The following STIM2 variants were observed in gnomAD, a reference collection of about 807,000 sequenced individuals.
STIM2 encodes the protein stromal interaction molecule 2.
In STIM2, 31 loss-of-function variants were observed where a neutral mutation model predicts 85.8. That is an observed-to-expected ratio of 0.36 (90% CI 0.27 to 0.49). STIM2 has a LOEUF of 0.49. Among genes scored for constraint, STIM2 ranks in the 20% least tolerant of loss-of-function variants. The probability of loss-of-function intolerance (pLI) is 0.98; values close to 1 mark genes in which losing one functional copy is unlikely to be tolerated. For synonymous variants in STIM2, 356 were observed against 331.1 expected (o/e 1.08, Z -0.82); for missense variants, 841 against 927.6 (o/e 0.91, Z 1.21).
At chr4:26,861,751 G>A (rs1424619226) in intron 1 of STIM2, 1 of 156,236 alleles carries the variant, frequency 6.4e-6, no homozygotes, top group African/African-American at 2.5e-5. Flanking sequence ...GCAGCATTGC[G>A]GTATTGAGTC....
Position 26,861,117 on chromosome 4 carries a change from G to T in STIM2, c.-102G>T. 8.3e-7 allele frequency: 1 copy of T among 1,210,178 alleles called. No homozygotes were observed. The highest frequency in any genetic ancestry group is 1.0e-6 in the Non-Finnish European group (1 of 974,832). The allele number at this position is 1,210,178 out of a possible 1,614,324, so 75.0% of individuals were successfully genotyped here. A position where few individuals can be genotyped will look rare whatever the true frequency, so the allele number is the denominator to read the frequency against. ...AGCCGGCGAGCTGCAGGCGGCCGGG[G>T]CGCCGCTGCGCTTTCACCCGGCTTC... On this transcript the variant is annotated 5_prime_UTR_variant, in exon 1 of 12. Transcript: ENST00000467087.
chr4:26,927,714 TA>T (rs1179685123), intron 2 of STIM2, among the ~76,000 whole-genome samples: 723 of 35,650 alleles, frequency 0.02, 7 homozygotes, highest in African/African-American at 0.057. Context: ...AAAACTTGAA[TA>T]AAAAAAAAAA....
chr4:26,872,052 A>G (rs1722638443), intron 1 of STIM2, among the ~76,000 whole-genome samples: 1 of 152,232 alleles, frequency 6.6e-6, no homozygotes, highest in Admixed American at 6.5e-5. Flanking sequence ...GGCAAGGGTA[A>G]GTATTCAGGT....
At chr4:26,969,332 C>A (rs922257163) in intron 3 of STIM2, among the ~76,000 whole-genome samples, 2 of 152,220 alleles carry the variant, frequency 1.3e-5, no homozygotes, top group African/African-American at 4.8e-5. Context: ...CCAAGAGATT[C>A]CTTAACTTTT....
intron 1 of STIM2, among the ~76,000 whole-genome samples, chr4:26,891,460 C>T (rs1160758895): frequency 6.6e-6 from 1 of 151,968 alleles, no homozygotes; most frequent in Non-Finnish European, 1.5e-5. Context: ...CCTGTATAAT[C>T]TTGTGAACTA....
At chr4:26,951,396 T>C (rs1441381336) in intron 2 of STIM2, among the ~76,000 whole-genome samples, 5 of 152,100 alleles carry the variant, frequency 3.3e-5, no homozygotes, top group Non-Finnish European at 7.4e-5. Flanking sequence ...CACTGTTGGG[T>C]TCCCTCTTCT....
At chr4:26,972,215 A>G (rs1469599118) in intron 3 of STIM2, among the ~76,000 whole-genome samples, 2 of 152,106 alleles carry the variant, frequency 1.3e-5, no homozygotes, top group Non-Finnish European at 2.9e-5. Context: ...CTCCTTTCCT[A>G]ATTGAATACC....
chr4:26,923,361 A>G (rs1724883878), intron 2 of STIM2, among the ~76,000 whole-genome samples: 1 of 152,134 alleles, frequency 6.6e-6, no homozygotes, highest in African/African-American at 2.4e-5. Context: ...CAGCAACAGA[A>G]CAAAGCTGGA....
chr4:27,024,451 C>G lies in STIM2; in HGVS notation c.*1455C>G, dbSNP rs1729018348. The G allele has an allele frequency of 6.6e-6, 1 of 152,194 alleles. No homozygotes were observed. The highest frequency in any genetic ancestry group is 2.4e-5 in the African/African-American group (1 of 41,446). 9.4% of individuals were successfully genotyped at this position (152,194 alleles called of 1,614,324 possible). A position where few individuals can be genotyped will look rare whatever the true frequency, so the allele number is the denominator to read the frequency against. ...TCAGCATTATGGCTAAAATATATGT[C>G]TAACCCAGTGCTATTTAGGTGAAAA... is the stretch of plus-strand genomic sequence containing the variant. On this transcript the variant is annotated 3_prime_UTR_variant, in exon 12 of 12. Transcript: ENST00000467087.
chr4:27,015,314 T>C (rs927515702), intron 10 of STIM2, among the ~76,000 whole-genome samples: 4 of 152,058 alleles, frequency 2.6e-5, no homozygotes, highest in Non-Finnish European at 4.4e-5. Flanking sequence ...TAACGTTGTC[T>C]GGTATTTTGT....
At chr4:26,912,673 A>T (rs565377177) in intron 1 of STIM2, among the ~76,000 whole-genome samples, 1 of 152,284 alleles carries the variant, frequency 6.6e-6, no homozygotes, top group African/African-American at 2.4e-5. Context: ...TAATATATTT[A>T]GTTCTCACTT....
At chr4:26,966,195 A>G (rs1227416864) in intron 3 of STIM2, among the ~76,000 whole-genome samples, 1 of 152,106 alleles carries the variant, frequency 6.6e-6, no homozygotes, top group Non-Finnish European at 1.5e-5. Context: ...TATCTAGGAA[A>G]CAGTAGCCTT....
intron 1 of STIM2, among the ~76,000 whole-genome samples, chr4:26,862,274 C>G (rs187197500): frequency 4.6e-5 from 7 of 150,724 alleles, no homozygotes; most frequent in Non-Finnish European, 1.0e-4. Flanking sequence ...ATATAAGGAC[C>G]CTGAAATGAT....
At chr4:27,006,464 G>A (rs188040650) in intron 7 of STIM2, among the ~76,000 whole-genome samples, 3 of 152,276 alleles carry the variant, frequency 2.0e-5, no homozygotes, top group Admixed American at 6.5e-5. Flanking sequence ...TGCTCGACAC[G>A]CAGGATGCTC....
chr4:26,883,965 A>G (rs1218803236), intron 1 of STIM2, among the ~76,000 whole-genome samples: 3 of 152,242 alleles, frequency 2.0e-5, no homozygotes, highest in Non-Finnish European at 4.4e-5. Flanking sequence ...TAGTATTATC[A>G]GATTGTTACC....
intron 2 of STIM2, among the ~76,000 whole-genome samples, chr4:26,944,372 AT>A (rs1344433149): frequency 6.6e-6 from 1 of 152,102 alleles, no homozygotes; most frequent in Non-Finnish European, 1.5e-5. Flanking sequence ...GAGTAACAAT[AT>A]ACTTTTGATT....
intron 1 of STIM2, among the ~76,000 whole-genome samples, chr4:26,902,012 C>T (rs967787535): frequency 1.7e-4 from 26 of 152,144 alleles, no homozygotes; most frequent in African/African-American, 5.8e-4. Flanking sequence ...TCAGGGATCA[C>T]AGTGTGCCTG....
chr4:27,017,328 G>T (rs1728762596), intron 10 of STIM2, among the ~76,000 whole-genome samples: 1 of 152,164 alleles, frequency 6.6e-6, no homozygotes, highest in South Asian at 2.1e-4. Context: ...AGATACCATT[G>T]CAGCCTACTT....
chr4:26,905,688 T>C (rs779556331), intron 1 of STIM2, among the ~76,000 whole-genome samples: 7 of 152,210 alleles, frequency 4.6e-5, no homozygotes, highest in Admixed American at 6.5e-5. Context: ...ATAAATCGGC[T>C]AAATCCATGG....
Sources: gnomAD v4.1 joint callset for allele counts (sites outside exome capture counted in the v4.1 genomes callset) on GRCh38, gnomAD v4.1.1 for gene constraint, MANE v1.5 for transcripts, NCBI Gene and HGNC (gene_info 2026-07-23, HGNC 2026-07-21) for gene names.